CPO: variants seen among roughly 807,000 people sequenced by gnomAD.
The protein encoded by CPO is carboxypeptidase O, also known as metallocarboxypeptidase C.
CPO carries 43 observed loss-of-function variants against 41.2 expected under a neutral mutation model. That is an observed-to-expected ratio of 1.04 (90% CI 0.82 to 1.35). CPO has a LOEUF of 1.35. CPO is among the 40% of genes most tolerant of loss of function. The pLI, the probability that CPO is intolerant of heterozygous loss-of-function variation, is 0.00. For missense variants in CPO, 408 were observed against 451.7 expected (o/e 0.90, Z 0.88); for synonymous variants, 178 against 162.7 (o/e 1.09, Z -0.72).
chr2:206,948,810 T>A (rs973137366), intron 1 of CPO, among the ~76,000 whole-genome samples: 2 of 152,170 alleles, frequency 1.3e-5, no homozygotes, highest in African/African-American at 4.8e-5. Context: ...TAAATATGTG[T>A]CACCAAACAT....
chr2:206,959,703 G>C lies in CPO; in HGVS notation c.445G>C (p.Val149Leu). The change falls in exon 5 of 9, where the codon GTT becomes CTT. Residue 149 changes from valine to leucine, a missense_variant. Transcript: ENST00000272852. ...GAACCTGGACTTCTATGTCCTTCCA[G>C]TTCTTAACATAGATGGTTATATCTA... ...LRNLDFYVLP[V>L]LNIDGYIYTW... The C allele has an allele frequency of 1.3e-6, 2 of 1,570,266 alleles. No homozygotes were observed. The highest frequency in any genetic ancestry group is 1.8e-6 in the Non-Finnish European group (2 of 1,140,148).
chr2:206,953,049 C>G (rs1010795761), intron 2 of CPO, among the ~76,000 whole-genome samples: 1 of 152,278 alleles, frequency 6.6e-6, no homozygotes. Flanking sequence ...CACCAGCTTC[C>G]TCCCATGATA....
chr2:206,951,080 T>C (rs540506749), intron 2 of CPO, among the ~76,000 whole-genome samples: 5 of 143,762 alleles, frequency 3.5e-5, no homozygotes, highest in Non-Finnish European at 6.2e-5. Context: ...AAAGTATAAT[T>C]AAAAAAAAAA....
In CPO at chr2:206,960,570, A is replaced by G. The variant is rs1574354555; in HGVS notation, c.484-282A>G. ...CCCTGAGTAAGCAGATCACGTCCAC[A>G]GGCACTGCTAATCTGCTCATGAGGA... On this transcript the variant is annotated intron_variant, in intron 5 of 8. Transcript: ENST00000272852. 2.0e-5 allele frequency among the ~76,000 whole-genome samples: 3 copies of G among 152,330 alleles called. 1 individual carries two copies. The highest frequency in any genetic ancestry group is 7.2e-5 in the African/African-American group (3 of 41,578).
At chr2:206,953,094 T>C (rs927837992) in intron 2 of CPO, among the ~76,000 whole-genome samples, 15 of 152,208 alleles carry the variant, frequency 9.9e-5, no homozygotes, top group Middle Eastern at 6.8e-3. Flanking sequence ...TCATGATGAG[T>C]TTTGAGAGGG....
chr2:206,956,486 G>T (rs1047546467), intron 3 of CPO, among the ~76,000 whole-genome samples: 6 of 152,108 alleles, frequency 3.9e-5, no homozygotes, highest in African/African-American at 1.4e-4. Flanking sequence ...CCCTGCAAAG[G>T]TCTACTAAGT....
In CPO at chr2:206,962,541, T is replaced by C. The variant is rs769421050; in HGVS notation, c.704T>C (p.Met235Thr). 1.2e-6 allele frequency: 2 copies of C among 1,614,174 alleles called. No individual in the cohort carries two copies. The highest frequency in any genetic ancestry group is 1.7e-5 in the Admixed American group (1 of 60,028). Residue 235 changes from methionine to threonine, a missense_variant, in exon 7 of 9, where the codon ATG (methionine) becomes ACG (threonine). By Grantham distance (81) the Met-to-Thr change is moderately conservative. Transcript: ENST00000272852. ...GATGATATTTTGTGCTTCCTGACCATGCACTCTTATGGGCAGTTAATTCTC... is the reference window on the plus strand; with the variant it reads ...GATGATATTTTGTGCTTCCTGACCACGCACTCTTATGGGCAGTTAATTCTC... ...KKDDILCFLT[M>T]HSYGQLILTP...
chr2:206,945,910 T>C (rs1345174090), intron 1 of CPO, among the ~76,000 whole-genome samples: 1 of 151,872 alleles, frequency 6.6e-6, no homozygotes, highest in African/African-American at 2.4e-5. Flanking sequence ...CACCCCAGCC[T>C]GGGCAACAAG....
intron 8 of CPO, among the ~76,000 whole-genome samples, chr2:206,968,774 A>G (rs1693629983): frequency 6.6e-6 from 1 of 152,104 alleles, no homozygotes; most frequent in Non-Finnish European, 1.5e-5. Flanking sequence ...CCCAACCCCA[A>G]TCTCCACCCT....
chr2:206,952,813 A>G (rs1693290303), intron 2 of CPO, among the ~76,000 whole-genome samples: 1 of 152,148 alleles, frequency 6.6e-6, no homozygotes, highest in Admixed American at 6.5e-5. Flanking sequence ...GGTAATTTAT[A>G]AAGGAAAGAG....
intron 1 of CPO, among the ~76,000 whole-genome samples, chr2:206,949,073 C>CAAAAAA (rs11284442): frequency 1.0e-5 from 1 of 99,142 alleles, no homozygotes. Flanking sequence ...TAAACCATTG[C>CAAAAAA]AAAAAAAAAA....
At chr2:206,952,919 C>A (rs1693292219) in intron 2 of CPO, among the ~76,000 whole-genome samples, 1 of 152,140 alleles carries the variant, frequency 6.6e-6, no homozygotes, top group South Asian at 2.1e-4. Context: ...TGGCAGCAGG[C>A]AAGAGAGTGT....
chr2:206,961,027 G>T (rs1299841350), intron 6 of CPO, 85 bp downstream of exon 6: 1 of 968,082 alleles, frequency 1.0e-6, no homozygotes, highest in East Asian at 2.4e-5. Flanking sequence ...TATAATTTTT[G>T]AAAATAACAT....
intron 1 of CPO, among the ~76,000 whole-genome samples, chr2:206,946,649 T>A (rs550875233): frequency 2.0e-5 from 3 of 152,024 alleles, no homozygotes; most frequent in Non-Finnish European, 4.4e-5. Context: ...GTATACAGAT[T>A]GGGAAGAAAG....
chr2:206,958,993 G>A lies in CPO; in HGVS notation c.372+588G>A, dbSNP rs540076866. 1.5e-4 allele frequency among the ~76,000 whole-genome samples: 22 copies of A among 151,404 alleles called. No homozygotes were observed. In the East Asian group the frequency reaches 3.7e-3, roughly 26 times the overall value. ...CGACCTCAGGTGATCCACCTACCTC[G>A]GTCTCCCAAAGTGCTGGGATTACAG... On this transcript the variant is annotated intron_variant, in intron 4 of 8. Transcript: ENST00000272852.
intron 1 of CPO, among the ~76,000 whole-genome samples, chr2:206,944,485 A>G (rs1298255984): frequency 6.6e-6 from 1 of 152,032 alleles, no homozygotes; most frequent in Non-Finnish European, 1.5e-5. Context: ...TAGATTTGTG[A>G]ATAACATGAA....
chr2:206,957,407 G>A (rs1693390491), intron 3 of CPO, among the ~76,000 whole-genome samples: 2 of 151,886 alleles, frequency 1.3e-5, no homozygotes, highest in Non-Finnish European at 1.5e-5. Context: ...ATTAAGGTAA[G>A]AGGTGGATTA....
rs369390108 is a variant in CPO, at chr2:206,949,726, A to G, written c.165+13A>G. The G allele has an allele frequency of 2.7e-5, 42 of 1,561,908 alleles. No individual in the cohort carries two copies. The highest frequency in any genetic ancestry group is 3.6e-5 in the Non-Finnish European group (41 of 1,132,946). On this transcript the variant is annotated intron_variant, in intron 2 of 8. Transcript: ENST00000272852. The stretch of plus-strand genomic sequence containing the variant: ...CCCCATGGGAGAGGTAAGGAAGGAC[A>G]CATGGCAGGAGGTTGGTGGTTGTCA...
chr2:206,959,565 T>C, intron 4 of CPO, 66 bp from the exon 5 acceptor site: 1 of 785,222 alleles, frequency 1.3e-6, no homozygotes, highest in Non-Finnish European at 2.2e-6. Context: ...TAAGTTGAAA[T>C]TGGTAGAAAA....
Sources: gnomAD v4.1 joint callset for allele counts (sites outside exome capture counted in the v4.1 genomes callset) on GRCh38, gnomAD v4.1.1 for gene constraint, MANE v1.5 for transcripts, NCBI Gene and HGNC (gene_info 2026-07-23, HGNC 2026-07-21) for gene names.